The following KCNIP4 variants were observed in gnomAD, a reference collection of about 807,000 sequenced individuals.
KCNIP4 encodes potassium voltage-gated channel interacting protein 4, also known as Kv channel-interacting protein 4.
Under a neutral mutation model 34.0 loss-of-function variants are expected in KCNIP4, and 12 were observed. That is an observed-to-expected ratio of 0.35 (90% CI 0.23 to 0.57). KCNIP4 has a LOEUF of 0.57. KCNIP4 is among the 20% of genes least tolerant of loss of function. The pLI is 0.83. For synonymous variants in KCNIP4, 124 were observed against 102.2 expected, an observed-to-expected ratio of 1.21 and a Z score of -1.29; for missense variants, 238 against 311.7, an observed-to-expected ratio of 0.76 and a Z score of 1.78.
At chr4:21,814,364 A>G (rs1376791374) in intron 1 of KCNIP4, among the ~76,000 whole-genome samples, 1 of 152,116 alleles carries the variant, frequency 6.6e-6, no homozygotes, top group Non-Finnish European at 1.5e-5. Context: ...GTGTGAGGTA[A>G]TTGAATTACA....
chr4:21,129,397 G>A (rs184067515), intron 1 of KCNIP4, among the ~76,000 whole-genome samples: 7 of 152,238 alleles, frequency 4.6e-5, no homozygotes, highest in East Asian at 3.9e-4. Flanking sequence ...CACATTTCAC[G>A]GGTGAGAAAA....
chr4:21,293,647 T>C (rs1763673322), intron 1 of KCNIP4, among the ~76,000 whole-genome samples: 1 of 152,200 alleles, frequency 6.6e-6, no homozygotes, highest in Non-Finnish European at 1.5e-5. Context: ...TTCCCAGTCA[T>C]GAATTTTAAT....
At chr4:20,863,695 T>A (rs1183584676) in intron 2 of KCNIP4, among the ~76,000 whole-genome samples, 1 of 148,102 alleles carries the variant, frequency 6.8e-6, no homozygotes, top group Non-Finnish European at 1.5e-5. Context: ...AAGATGGAGA[T>A]CTCTTTCACT....
intron 3 of KCNIP4, among the ~76,000 whole-genome samples, chr4:20,799,543 C>T (rs1190795213): frequency 6.6e-6 from 1 of 152,176 alleles, no homozygotes; most frequent in Non-Finnish European, 1.5e-5. Context: ...AACCTCCACC[C>T]ATCTGAGCTG....
At chr4:21,223,815 TCA>T (rs1178045265) in intron 1 of KCNIP4, among the ~76,000 whole-genome samples, 2 of 152,160 alleles carry the variant, frequency 1.3e-5, no homozygotes, top group African/African-American at 4.8e-5. Flanking sequence ...TTTCTTGGTA[TCA>T]CAGTTTTTAA....
intron 1 of KCNIP4, among the ~76,000 whole-genome samples, chr4:20,961,424 G>T (rs1733836539): frequency 6.6e-6 from 1 of 152,066 alleles, no homozygotes; most frequent in African/African-American, 2.4e-5. Flanking sequence ...TTTGAGAAAT[G>T]AATACACTGA....
At chr4:21,646,628 C>A (rs1475876661) in intron 1 of KCNIP4, among the ~76,000 whole-genome samples, 1 of 152,150 alleles carries the variant, frequency 6.6e-6, no homozygotes, top group East Asian at 1.9e-4. Flanking sequence ...AACAGCCATG[C>A]CCCATGGTTG....
chr4:21,059,460 A>G (rs1743722560), intron 1 of KCNIP4, among the ~76,000 whole-genome samples: 1 of 152,088 alleles, frequency 6.6e-6, no homozygotes. Context: ...CATGGATCCT[A>G]AGGCCAAGGA....
intron 1 of KCNIP4, chr4:20,983,668 C>T (rs753686755): frequency 4.5e-4 from 280 of 618,858 alleles, no homozygotes; most frequent in Non-Finnish European, 7.1e-4. Flanking sequence ...CCAAAATGAA[C>T]TGTCCAGCCA....
intron 1 of KCNIP4, among the ~76,000 whole-genome samples, chr4:21,117,044 T>A (rs1182969011): frequency 6.6e-6 from 1 of 152,168 alleles, no homozygotes; most frequent in African/African-American, 2.4e-5. Flanking sequence ...ATGTGTCACT[T>A]CCCCTAATTC....
intron 1 of KCNIP4, among the ~76,000 whole-genome samples, chr4:21,397,485 C>T (rs1263944938): frequency 1.3e-5 from 2 of 152,166 alleles, no homozygotes; most frequent in African/African-American, 4.8e-5. Flanking sequence ...CAAACCACCA[C>T]GGCACACATT....
chr4:21,253,862 G>C (rs546034984), intron 1 of KCNIP4, among the ~76,000 whole-genome samples: 2 of 152,282 alleles, frequency 1.3e-5, no homozygotes, highest in South Asian at 4.1e-4. Context: ...ATGTTATTCA[G>C]ATGTAAACAA....
At chr4:20,945,443 G>A (rs1732091824) in intron 1 of KCNIP4, among the ~76,000 whole-genome samples, 1 of 152,010 alleles carries the variant, frequency 6.6e-6, no homozygotes, top group South Asian at 2.1e-4. Context: ...ACTAAAATGG[G>A]GACATTCACA....
At chr4:21,030,531 G>C (rs1740933816) in intron 1 of KCNIP4, among the ~76,000 whole-genome samples, 1 of 152,090 alleles carries the variant, frequency 6.6e-6, no homozygotes, top group East Asian at 1.9e-4. Flanking sequence ...CATGAAATTG[G>C]TCTCTGGTGC....
At chr4:21,475,207 A>T (rs358593) in intron 1 of KCNIP4, among the ~76,000 whole-genome samples, 106,578 of 151,940 alleles carry the variant, frequency 0.7, 37,936 homozygotes, top group African/African-American at 0.83. Flanking sequence ...GAATATATAT[A>T]TCTCTACTTT....
intron 1 of KCNIP4, among the ~76,000 whole-genome samples, chr4:21,007,941 T>C (rs1400780498): frequency 6.6e-6 from 1 of 152,226 alleles, no homozygotes; most frequent in Non-Finnish European, 1.5e-5. Context: ...GTTAGTTTAA[T>C]TGGAGCTCAT....
At chr4:21,143,382 C>A (rs1752113031) in intron 1 of KCNIP4, among the ~76,000 whole-genome samples, 1 of 152,180 alleles carries the variant, frequency 6.6e-6, no homozygotes, top group African/African-American at 2.4e-5. Context: ...GACCATTGAC[C>A]AATAGTCAGC....
chr4:21,624,335 C>T (rs1167410652), intron 1 of KCNIP4, among the ~76,000 whole-genome samples: 1 of 152,066 alleles, frequency 6.6e-6, no homozygotes, highest in Non-Finnish European at 1.5e-5. Context: ...CATTTACAGA[C>T]TCTAAGTTAA....
rs548577985 is a variant in KCNIP4 at position 21,798,601 on chromosome 4, G to A, written c.61+149970C>T. Among the ~76,000 whole-genome samples the A allele has an allele frequency of 2.2e-4, 30 of 138,522 alleles. No homozygotes were observed. The East Asian group carries it at 6.4e-3, about 29-fold the overall frequency. 90.9% of individuals were successfully genotyped at this position (138,522 alleles called of 152,430 possible). On this transcript the variant is annotated intron_variant, in intron 1 of 8. Coordinates refer to ENST00000382152, the MANE Select transcript of KCNIP4 (RefSeq NM_025221.6). The stretch of plus-strand genomic sequence containing the variant: ...AAGAAAGAAAGAGAAAAAATGCAAA[G>A]AGCCACTCTTTTAAGCTATTCTCCA...
Sources: allele counts gnomAD v4.1 joint callset (sites outside exome capture counted in the v4.1 genomes callset), GRCh38; gene constraint gnomAD v4.1.1; transcripts MANE v1.5; gene names NCBI Gene and HGNC (gene_info 2026-07-23, HGNC 2026-07-21).